TRPM3: variants seen among roughly 807,000 people sequenced by gnomAD.
TRPM3 encodes the protein long transient receptor potential channel 3.
Under a neutral mutation model 181.2 loss-of-function variants are expected in TRPM3, and 77 were observed. The ratio of observed to expected loss-of-function variants is 0.42; its 90% CI spans 0.35 to 0.51. The LOEUF (loss-of-function observed/expected upper bound fraction) is 0.51. Ranked by LOEUF, TRPM3 falls within the 20% of genes least tolerant of loss-of-function variation. TRPM3 has a pLI of 0.01. For missense variants in TRPM3, 1,759 were observed against 2,196.7 expected, an observed-to-expected ratio of 0.80 and a Z score of 3.98; for synonymous variants, 745 against 796.4, an observed-to-expected ratio of 0.94 and a Z score of 1.09.
At chr9:71,260,075 G>A (rs2082937878) in intron 1 of TRPM3, among the ~76,000 whole-genome samples, 1 of 152,060 alleles carries the variant, frequency 6.6e-6, no homozygotes, top group Admixed American at 6.6e-5. Context: ...TAAGGAAGGG[G>A]TCCAGTTTCA....
intron 1 of TRPM3, among the ~76,000 whole-genome samples, chr9:71,327,822 G>T (rs2089808250): frequency 6.6e-6 from 1 of 152,090 alleles, no homozygotes; most frequent in Non-Finnish European, 1.5e-5. Flanking sequence ...GTTTTAATGT[G>T]TTTATCAGGA....
At chr9:70,827,719 G>A (rs1034539) in intron 6 of TRPM3, 128 bp downstream of exon 6, 363,546 of 1,167,684 alleles carry the variant, frequency 0.31, 59,499 homozygotes, top group Non-Finnish European at 0.34. Flanking sequence ...GCTCTGGCCC[G>A]GTAGAAATAA....
At chr9:70,689,942 G>A (rs760945224) in intron 8 of TRPM3, among the ~76,000 whole-genome samples, 1 of 152,058 alleles carries the variant, frequency 6.6e-6, no homozygotes, top group East Asian at 1.9e-4. Flanking sequence ...AGTTAAATAA[G>A]ATAAGGATAT....
At chr9:71,007,521 C>A (rs2097692959) in intron 1 of TRPM3, among the ~76,000 whole-genome samples, 1 of 152,056 alleles carries the variant, frequency 6.6e-6, no homozygotes, top group Admixed American at 6.6e-5. Context: ...TATCAAGAAT[C>A]TTTGCTGACC....
chr9:71,133,292 C>CTTTTCTTTTTTT (rs2074484842), intron 1 of TRPM3, among the ~76,000 whole-genome samples: 1 of 72,306 alleles, frequency 1.4e-5, no homozygotes, highest in Non-Finnish European at 2.5e-5. Context: ...TAGCAAATTG[C>CTTTTCTTTTTTT]TTTTTTTTTT....
chr9:70,537,267 C>A lies in TRPM3; in HGVS notation c.3846G>T (p.Leu1282=). The A allele has an allele frequency of 6.3e-7, 1 of 1,587,108 alleles. No homozygotes were observed. The highest frequency in any genetic ancestry group is 8.6e-7 in the Non-Finnish European group (1 of 1,161,890). Residue 1282 remains leucine (L), a synonymous_variant, in exon 26 of 26, where the codon CTG becomes CTT. Transcript: ENST00000677713. ...IGRMATALER[L]TGLERAESNK... ...TGGACTCGGCCCGCTCCAGACCTGT[C>A]AGGCGCTCCAGGGCCGTGGCCATGC...
Position 70,535,722 on chromosome 9 carries a change from C to T in TRPM3, c.*231G>A. The T allele has an allele frequency of 7.0e-7, 1 of 1,438,136 alleles. No homozygotes were observed. The highest frequency in any genetic ancestry group is 1.5e-5 in the South Asian group (1 of 65,980). 89.1% of individuals were successfully genotyped at this position (1,438,136 alleles called of 1,614,324 possible). A position where few individuals can be genotyped will look rare whatever the true frequency, so the allele number is the denominator to read the frequency against. On this transcript the variant is annotated 3_prime_UTR_variant, in exon 26 of 26. Transcript: ENST00000677713. The stretch of plus-strand genomic sequence containing the variant: ...TTCTCCCTCTCTTCCCCCTCCCTGC[C>T]CAGCAAGTGTGAACATGCCTTAAAT...
intron 22 of TRPM3, among the ~76,000 whole-genome samples, chr9:70,582,567 G>C (rs2056150282): frequency 6.6e-6 from 1 of 152,124 alleles, no homozygotes; most frequent in Non-Finnish European, 1.5e-5. Context: ...CTAGAACAGT[G>C]CTATCTAATT....
At chr9:71,108,429 A>G (rs1156261017) in intron 1 of TRPM3, among the ~76,000 whole-genome samples, 1 of 152,122 alleles carries the variant, frequency 6.6e-6, no homozygotes, top group African/African-American at 2.4e-5. Flanking sequence ...CACCTGCTAG[A>G]TGAATGGGTC....
At chr9:71,191,238 A>T (rs989590042) in intron 1 of TRPM3, among the ~76,000 whole-genome samples, 3 of 151,814 alleles carry the variant, frequency 2.0e-5, no homozygotes, top group African/African-American at 7.2e-5. Flanking sequence ...CTGTATCTTC[A>T]GTGGCCAGCG....
intron 1 of TRPM3, among the ~76,000 whole-genome samples, chr9:70,938,100 C>T (rs1474465583): frequency 6.6e-6 from 1 of 152,138 alleles, no homozygotes; most frequent in East Asian, 1.9e-4. Flanking sequence ...GGGTCTGTAT[C>T]ACTATTACTG....
chr9:71,276,834 A>C (rs2084253655), intron 1 of TRPM3, among the ~76,000 whole-genome samples: 1 of 152,196 alleles, frequency 6.6e-6, no homozygotes, highest in South Asian at 2.1e-4. Context: ...TGTACCAGGA[A>C]ATATGCATGA....
chr9:71,142,601 T>C (rs1021721391), intron 1 of TRPM3, among the ~76,000 whole-genome samples: 29 of 152,250 alleles, frequency 1.9e-4, no homozygotes, highest in African/African-American at 6.7e-4. Flanking sequence ...TAAATTTTAA[T>C]ATTGAAACCA....
intron 1 of TRPM3, among the ~76,000 whole-genome samples, chr9:71,296,726 C>T (rs1334839578): frequency 2.0e-5 from 3 of 152,020 alleles, no homozygotes; most frequent in African/African-American, 4.8e-5. Context: ...AAACGACGGA[C>T]CATTAGAAGA....
chr9:71,363,715 C>G (rs940861784), intron 1 of TRPM3, among the ~76,000 whole-genome samples: 1 of 152,154 alleles, frequency 6.6e-6, no homozygotes, highest in Non-Finnish European at 1.5e-5. Context: ...TCTGGGAATT[C>G]TTCCTGACCC....
intron 1 of TRPM3, among the ~76,000 whole-genome samples, chr9:71,002,564 A>G (rs2097619264): frequency 6.6e-6 from 1 of 152,142 alleles, no homozygotes; most frequent in African/African-American, 2.4e-5. Flanking sequence ...TCCTTCCACT[A>G]TATACGTCTA....
intron 6 of TRPM3, among the ~76,000 whole-genome samples, chr9:70,798,460 T>C (rs2087851590): frequency 1.3e-5 from 2 of 152,196 alleles, no homozygotes; most frequent in Admixed American, 1.3e-4. Flanking sequence ...TCAGCAAGTA[T>C]TAATTATTCA....
chr9:71,257,742 C>T (rs2082763648), intron 1 of TRPM3, among the ~76,000 whole-genome samples: 1 of 152,100 alleles, frequency 6.6e-6, no homozygotes, highest in Non-Finnish European at 1.5e-5. Flanking sequence ...GTCTGTACTT[C>T]CATGTATACT....
Position 71,121,590 on chromosome 9 carries a change from G to A in TRPM3, c.-236C>T, listed in dbSNP as rs755100711. 1.5e-6 allele frequency: 2 copies of A among 1,294,516 alleles called. No homozygotes were observed. Among genetic ancestry groups the A allele is most frequent in the Non-Finnish European group, 2.0e-6 (2 of 1,021,710 alleles). The allele number at this position is 1,294,516 out of a possible 1,614,324, so 80.2% of individuals were successfully genotyped here. ...AGGGACAGCCTGCACAAAACAGCCT[G>A]TGGTCGGAGTCAAAGCAGCCTGCTC... On this transcript the variant is annotated 5_prime_UTR_variant, in exon 1 of 26. Transcript: ENST00000677713.
Sources: gnomAD v4.1 joint callset for allele counts (sites outside exome capture counted in the v4.1 genomes callset) on GRCh38, gnomAD v4.1.1 for gene constraint, MANE v1.5 for transcripts, NCBI Gene and HGNC (gene_info 2026-07-23, HGNC 2026-07-21) for gene names.